TRPM3: variants seen among roughly 807,000 people sequenced by gnomAD.
The protein encoded by TRPM3 is transient receptor potential cation channel subfamily M member 3, also known as long transient receptor potential channel 3.
A neutral mutation model predicts 181.2 loss-of-function variants in TRPM3; 77 were observed. The observed-to-expected ratio is 0.42, with a 90% CI of 0.35 to 0.51. The LOEUF is 0.51. Ranked by LOEUF, TRPM3 falls within the 20% of genes least tolerant of loss-of-function variation. The pLI, the probability that TRPM3 is intolerant of heterozygous loss-of-function variation, is 0.01. For synonymous variants in TRPM3, 745 were observed against 796.4 expected, an observed-to-expected ratio of 0.94 and a Z score of 1.09; for missense variants, 1,759 against 2,196.7, an observed-to-expected ratio of 0.80 and a Z score of 3.98.
chr9:70,785,677 G>A (rs762656396), intron 6 of TRPM3, among the ~76,000 whole-genome samples: 14 of 152,054 alleles, frequency 9.2e-5, no homozygotes, highest in South Asian at 2.1e-4. Flanking sequence ...TTTCTTGCTC[G>A]GGTAAAGGAT....
intron 1 of TRPM3, among the ~76,000 whole-genome samples, chr9:71,039,030 CAAAT>C (rs768752214): frequency 1.3e-5 from 2 of 152,104 alleles, no homozygotes; most frequent in African/African-American, 4.8e-5. Context: ...AAACAAAAAA[CAAAT>C]AGAGGGAAAT....
intron 1 of TRPM3, among the ~76,000 whole-genome samples, chr9:71,405,920 A>C (rs2093427300): frequency 6.6e-6 from 1 of 152,248 alleles, no homozygotes; most frequent in South Asian, 2.1e-4. Context: ...GAAGTAATAG[A>C]ATAAAAACAA....
intron 1 of TRPM3, among the ~76,000 whole-genome samples, chr9:71,431,782 A>G (rs939789421): frequency 9.2e-5 from 14 of 152,244 alleles, no homozygotes; most frequent in Admixed American, 2.6e-4. Flanking sequence ...GAAAGATTAC[A>G]TAAGAGATCA....
chr9:70,987,416 G>A (rs898899700), intron 1 of TRPM3, among the ~76,000 whole-genome samples: 20 of 152,078 alleles, frequency 1.3e-4, no homozygotes, highest in African/African-American at 4.6e-4. Context: ...CTTCTATGTG[G>A]TCTATTTGAT....
intron 1 of TRPM3, among the ~76,000 whole-genome samples, chr9:71,349,998 T>TATAC (rs1412158013): frequency 3.6e-4 from 5 of 13,828 alleles, no homozygotes; most frequent in African/African-American, 6.8e-4. Flanking sequence ...TATATATATA[T>TATAC]ATATGGGCCT....
At chr9:71,265,196 T>C (rs538527189) in intron 1 of TRPM3, among the ~76,000 whole-genome samples, 1 of 152,342 alleles carries the variant, frequency 6.6e-6, no homozygotes, top group African/African-American at 2.4e-5. Context: ...CAAAATATGT[T>C]ATACATTTTA....
chr9:71,050,091 CAGA>C lies in TRPM3; in HGVS notation c.177+71084_177+71086del, dbSNP rs1305331958. Among the ~76,000 whole-genome samples, 9 of 152,250 alleles carry C rather than the reference CAGA, an allele frequency of 5.9e-5. No homozygotes were observed. The East Asian group carries it at 7.7e-4, about 13-fold the overall frequency. ...TGAAATAACAACTGGACCCAGAAGA[CAGA>C]AGGTGCTCAAAAGCCTTATTGTCTT... On this transcript the variant is annotated intron_variant, in intron 1 of 25. Coordinates refer to ENST00000677713, the MANE Select transcript of TRPM3 (RefSeq NM_001366145.2).
rs114711535 is a variant in TRPM3 at position 70,613,370 on chromosome 9, C to A, written c.2526+2538G>T. Among the ~76,000 whole-genome samples the A allele has an allele frequency of 7.1e-3, 1,082 of 152,246 alleles. 12 individuals carry two copies. Among genetic ancestry groups the A allele is most frequent in the African/African-American group, 0.025 (1,027 of 41,534 alleles). On this transcript the variant is annotated intron_variant, in intron 18 of 25. Transcript: ENST00000677713. Reference sequence around the variant, plus strand: ...AGGTGAACTAAACTACTAAAAGCTACAAAAATGGAGTGAATTGAGGTTGAT... The same window carrying A: ...AGGTGAACTAAACTACTAAAAGCTAAAAAAATGGAGTGAATTGAGGTTGAT...
intron 9 of TRPM3, among the ~76,000 whole-genome samples, chr9:70,678,872 A>G (rs904076914): frequency 4.6e-5 from 7 of 152,280 alleles, no homozygotes; most frequent in Non-Finnish European, 1.0e-4. Context: ...CGAAGAAGCC[A>G]GCAAAAGTAC....
chr9:70,683,330 C>T (rs1052392213), intron 8 of TRPM3, among the ~76,000 whole-genome samples: 1 of 151,894 alleles, frequency 6.6e-6, no homozygotes, highest in Admixed American at 6.6e-5. Flanking sequence ...AACAATCCTT[C>T]CACTTCAGCC....
intron 21 of TRPM3, 34 bp from the exon 22 acceptor site, chr9:70,591,239 A>C (rs759292236): frequency 1.5e-5 from 23 of 1,582,034 alleles, no homozygotes; most frequent in Non-Finnish European, 1.9e-5. Flanking sequence ...GAGAAACAAG[A>C]GAAAACCCAT....
At chr9:70,857,137 G>A (rs2095408236) in intron 3 of TRPM3, among the ~76,000 whole-genome samples, 1 of 152,074 alleles carries the variant, frequency 6.6e-6, no homozygotes, top group South Asian at 2.1e-4. Context: ...TTCTCCCTTT[G>A]TCTCTATGTT....
chr9:70,954,892 A>T (rs1487461557), intron 1 of TRPM3, among the ~76,000 whole-genome samples: 1 of 152,140 alleles, frequency 6.6e-6, no homozygotes, highest in African/African-American at 2.4e-5. Context: ...TCTGGAAAGC[A>T]GAAGAAAAGC....
intron 1 of TRPM3, among the ~76,000 whole-genome samples, chr9:71,085,076 T>G (rs2065043810): frequency 6.6e-6 from 1 of 152,064 alleles, no homozygotes; most frequent in Admixed American, 6.6e-5. Flanking sequence ...TGGCCAGCCA[T>G]ACGCAGTAGA....
At chr9:71,205,248 TA>T (rs5898185) in intron 1 of TRPM3, among the ~76,000 whole-genome samples, 105,137 of 151,646 alleles carry the variant, frequency 0.69, 36,800 homozygotes, top group African/African-American at 0.78. Context: ...AATCAAATAA[TA>T]AAAAAAAATT....
rs1165144451 is a variant in TRPM3 at position 70,843,077 on chromosome 9, G to C, written c.727C>G (p.Arg243Gly). 3.1e-6 allele frequency: 5 copies of C among 1,612,664 alleles called. No individual in the cohort carries two copies. The highest frequency in any genetic ancestry group is 4.2e-6 in the Non-Finnish European group (5 of 1,179,552). ...DALKDHASKS[R>G]GKICTIGIAP... ...ATACCTATGGTGCATATCTTTCCTC[G>C]AGACTTAGAGGCATGATCCTTCAAG... is the stretch of plus-strand genomic sequence containing the variant. The change falls in exon 5 of 26, where the codon CGA (arginine) becomes GGA (glycine). Residue 243 changes from arginine to glycine, a missense_variant. By Grantham distance (125) the Arg-to-Gly change is moderately radical. This residue lies in a region of TRPM3 where 737 missense variants were observed against 957.4 expected (regional missense o/e 0.77). Coordinates refer to ENST00000677713, the MANE Select transcript of TRPM3 (RefSeq NM_001366145.2).
chr9:71,066,205 A>G (rs1238636898), intron 1 of TRPM3, among the ~76,000 whole-genome samples: 1 of 152,222 alleles, frequency 6.6e-6, no homozygotes, highest in Non-Finnish European at 1.5e-5. Context: ...TGAAACATTC[A>G]CTAAAGTGAA....
At chr9:71,124,306 G>GAA (rs80222499), upstream of TRPM3, among the ~76,000 whole-genome samples, 4 of 123,886 alleles carry the variant, frequency 3.2e-5, no homozygotes, top group Admixed American at 8.2e-5. Context: ...GGTCTAATGA[G>GAA]AAAAAAAAAA....
At chr9:71,176,612 G>A (rs1396955804) in intron 1 of TRPM3, among the ~76,000 whole-genome samples, 1 of 151,938 alleles carries the variant, frequency 6.6e-6, no homozygotes, top group Non-Finnish European at 1.5e-5. Context: ...TAAGTATAAA[G>A]TGTTTATGAG....
Sources: gnomAD v4.1 joint callset for allele counts (sites outside exome capture counted in the v4.1 genomes callset) on GRCh38, gnomAD v4.1.1 for gene constraint, gnomAD v4.1.1 regional missense constraint, MANE v1.5 for transcripts, NCBI Gene and HGNC (gene_info 2026-07-23, HGNC 2026-07-21) for gene names.